Variants in TANC2 observed in about 807,000 individuals in gnomAD.
The protein encoded by TANC2 is protein TANC2.
In TANC2, 26 loss-of-function variants were observed where a neutral mutation model predicts 210.5. The ratio of observed to expected loss-of-function variants is 0.12; its 90% CI spans 0.09 to 0.17. TANC2 has a LOEUF of 0.17. TANC2 is among the 10% of genes least tolerant of loss of function. TANC2 has a pLI of 1.00. For missense variants in TANC2, 2,129 were observed against 2,608.9 expected (o/e 0.82, Z 4.01); for synonymous variants, 931 against 967.1 (o/e 0.96, Z 0.69).
chr17:63,076,751 T>G (rs908620502), intron 3 of TANC2, among the ~76,000 whole-genome samples: 1 of 152,148 alleles, frequency 6.6e-6, no homozygotes, highest in Non-Finnish European at 1.5e-5. Flanking sequence ...AGTGATATTA[T>G]GACTTTAAAA....
chr17:63,217,605 C>T (rs756632967), intron 7 of TANC2, among the ~76,000 whole-genome samples: 1 of 152,040 alleles, frequency 6.6e-6, no homozygotes, highest in Non-Finnish European at 1.5e-5. Context: ...AAAACTTTGC[C>T]ATAAGGAAAA....
rs372249542 is a variant in TANC2 at position 63,328,376 on chromosome 17, A to ATATGTGTG, written c.1575+9287_1575+9288insATGTGTGT. Among the ~76,000 whole-genome samples the ATATGTGTG allele has an allele frequency of 6.8e-4, 100 of 147,132 alleles. 1 individual carries two copies. The highest frequency in any genetic ancestry group is 2.4e-3 in the African/African-American group (98 of 40,346). ...TAAAACATGGTATGTGTATGTGTAT[A>ATATGTGTG]TGTGTGTGTGTGTGTGTGTGTGTGT... On this transcript the variant is annotated intron_variant, in intron 11 of 27. Coordinates refer to ENST00000689528, the Ensembl canonical transcript of TANC2.
chr17:63,240,594 C>G lies in TANC2; in HGVS notation c.1033+2517C>G, dbSNP rs116538015. On this transcript the variant is annotated intron_variant, in intron 8 of 27. Transcript: ENST00000689528. Reference sequence around the variant, plus strand: ...GCTCCCTCTCTAGTTGTATCCTGTACCTTCAGAGCAGTGCCAGAACTGAAC... The same window carrying G: ...GCTCCCTCTCTAGTTGTATCCTGTAGCTTCAGAGCAGTGCCAGAACTGAAC... Among the ~76,000 whole-genome samples the G allele has an allele frequency of 8.4e-3, 1,282 of 152,200 alleles. 15 individuals are homozygous for G. The highest frequency in any genetic ancestry group is 0.028 in the African/African-American group (1,174 of 41,510).
At chr17:63,220,741 T>C (rs2042158195) in intron 7 of TANC2, among the ~76,000 whole-genome samples, 1 of 146,098 alleles carries the variant, frequency 6.8e-6, no homozygotes, top group Admixed American at 6.9e-5. Context: ...TATATATGTA[T>C]ATATATATGT....
intron 2 of TANC2, among the ~76,000 whole-genome samples, chr17:63,073,470 ATTTAT>A (rs1311664229): frequency 1.3e-5 from 2 of 152,060 alleles, no homozygotes; most frequent in Admixed American, 6.5e-5. Flanking sequence ...GCTTTTATTG[ATTTAT>A]TTTATAGGTT....
chr17:63,337,614 T>C (rs1364051472), intron 11 of TANC2, among the ~76,000 whole-genome samples: 1 of 150,726 alleles, frequency 6.6e-6, no homozygotes, highest in Non-Finnish European at 1.5e-5. Flanking sequence ...TCCAATCTTT[T>C]TTTTTTTTTT....
exon 28 of TANC2, chr17:63,422,706 T>A (rs1281959102): frequency 6.6e-6 from 1 of 152,166 alleles, no homozygotes; most frequent in Non-Finnish European, 1.5e-5. Flanking sequence ...TTAAGAGAAT[T>A]CACTGAGAGT....
chr17:63,395,222 T>C (rs1471977240), intron 17 of TANC2, among the ~76,000 whole-genome samples: 3 of 152,132 alleles, frequency 2.0e-5, no homozygotes, highest in African/African-American at 7.2e-5. Flanking sequence ...TCTTTGAGAG[T>C]CCTCCCTCCT....
intron 9 of TANC2, among the ~76,000 whole-genome samples, chr17:63,300,609 T>C (rs2044681503): frequency 1.3e-5 from 2 of 152,198 alleles, no homozygotes; most frequent in Non-Finnish European, 2.9e-5. Context: ...GGAATGCTTG[T>C]GGGTTTTGCA....
chr17:63,155,091 C>A (rs2039788900), intron 5 of TANC2: 1 of 151,900 alleles, frequency 6.6e-6, no homozygotes, highest in Non-Finnish European at 1.5e-5. Context: ...TTTTAATTTT[C>A]TTTCTTGGGC....
At chr17:63,181,266 G>T (rs1359873210) in intron 5 of TANC2, among the ~76,000 whole-genome samples, 2 of 152,100 alleles carry the variant, frequency 1.3e-5, no homozygotes, top group Non-Finnish European at 2.9e-5. Context: ...TTTACCCAGG[G>T]TTGATGTTGG....
intron 3 of TANC2, among the ~76,000 whole-genome samples, chr17:63,086,545 A>G (rs2036972327): frequency 6.6e-6 from 1 of 152,180 alleles, no homozygotes; most frequent in Non-Finnish European, 1.5e-5. Context: ...ATTCTTTCAT[A>G]GAAGTTCCAT....
intron 11 of TANC2, among the ~76,000 whole-genome samples, chr17:63,328,811 C>T (rs986035246): frequency 6.6e-6 from 1 of 152,046 alleles, no homozygotes; most frequent in Non-Finnish European, 1.5e-5. Context: ...AAAAATGATA[C>T]AATAGGGAGG....
At chr17:63,202,723 A>T (rs2041575904) in intron 7 of TANC2, among the ~76,000 whole-genome samples, 2 of 152,154 alleles carry the variant, frequency 1.3e-5, no homozygotes, top group Non-Finnish European at 1.5e-5. Context: ...TCCTCAGTAT[A>T]TACAGATTGG....
intron 13 of TANC2, among the ~76,000 whole-genome samples, chr17:63,353,072 A>G (rs2046667067): frequency 6.6e-6 from 1 of 152,162 alleles, no homozygotes; most frequent in African/African-American, 2.4e-5. Flanking sequence ...ATGAGATCTG[A>G]TCTGTCTTTT....
chr17:63,294,136 A>G (rs947695172), intron 9 of TANC2, among the ~76,000 whole-genome samples: 1 of 152,222 alleles, frequency 6.6e-6, no homozygotes, highest in African/African-American at 2.4e-5. Context: ...ATTTACATTG[A>G]AGAGATAGAC....
At chr17:63,289,208 G>A (rs1444841460) in intron 9 of TANC2, among the ~76,000 whole-genome samples, 1 of 152,076 alleles carries the variant, frequency 6.6e-6, no homozygotes, top group Admixed American at 6.6e-5. Context: ...GTGGTTTGCT[G>A]TCTGATATTA....
intron 4 of TANC2, chr17:63,150,650 C>G (rs2039618247): frequency 6.6e-6 from 1 of 152,166 alleles, no homozygotes; most frequent in Non-Finnish European, 1.5e-5. Flanking sequence ...GCAGTTTTGA[C>G]TTCTTACATT....
chr17:63,135,205 C>A (rs981068110), intron 4 of TANC2, among the ~76,000 whole-genome samples: 3 of 152,124 alleles, frequency 2.0e-5, no homozygotes, highest in African/African-American at 4.8e-5. Context: ...CAGAGTGAGA[C>A]CCTAGCTAAA....
Sources: gnomAD v4.1 joint callset for allele counts (sites outside exome capture counted in the v4.1 genomes callset) on GRCh38, gnomAD v4.1.1 for gene constraint, MANE v1.5 for transcripts, NCBI Gene and HGNC (gene_info 2026-07-23, HGNC 2026-07-21) for gene names.